The following SRL variants were observed in gnomAD, a reference collection of about 807,000 sequenced individuals.
SRL encodes sarcalumenin.
SRL carries 23 observed loss-of-function variants against 39.5 expected under a neutral mutation model. The ratio of observed to expected loss-of-function variants is 0.58; its 90% CI spans 0.42 to 0.82. SRL has a LOEUF of 0.82. Among genes scored for constraint, SRL ranks in the 40% least tolerant of loss-of-function variants. The pLI, the probability that SRL is intolerant of heterozygous loss-of-function variation, is 0.00. For missense variants in SRL, 592 were observed against 607.8 expected (o/e 0.97, Z 0.27); for synonymous variants, 272 against 237.4 (o/e 1.15, Z -1.34).
chr16:4,192,278 G>C lies in SRL; in HGVS notation c.1297C>G (p.Arg433Gly). ...CCCGGAAGCTCCTGAGTGATGGCCC[G>C]CTCAATCTTCTCCAGAAAGCAACCT... is the stretch of plus-strand genomic sequence containing the variant. ...MGGCFLEKIE[R>G]AITQELPGLL... Residue 433 changes from arginine (R) to glycine (G), a missense_variant, in exon 6 of 6, where the codon CGG becomes GGG. Coordinates refer to ENST00000399609, the MANE Select transcript of SRL (RefSeq NM_001098814.2). This position sits in a 1 kb window ranked among gnomAD's most constrained non-coding sequence, Gnocchi z 4.0. The C allele has an allele frequency of 6.2e-7, 1 of 1,614,094 alleles. No individual in the cohort carries two copies. The highest frequency in any genetic ancestry group is 8.5e-7 in the Non-Finnish European group (1 of 1,179,982).
At chr16:4,211,806 T>C (rs1004272617) in intron 1 of SRL, among the ~76,000 whole-genome samples, 29 of 152,158 alleles carry the variant, frequency 1.9e-4, no homozygotes, top group African/African-American at 6.5e-4. Context: ...ATCGTGATGA[T>C]GATGATGATG....
At position 4,192,206 on chromosome 16, in the gene SRL, A is replaced by G. The variant is rs767091587; in HGVS notation, c.1369T>C (p.Cys457Arg). The stretch of plus-strand genomic sequence containing the variant: ...GTTTCGCTACACCCTGTTTTGTCAC[A>G]GTTGAGAGCACCTGGATTCTTCCCG... ...GLGKNPGALN[C>R]DKTGCSETPK... is the part of the protein sequence containing the mutation. Residue 457 changes from cysteine (C) to arginine (R), a missense_variant, in exon 6 of 6, where the codon TGT becomes CGT. Physicochemically the swap from Cys to Arg is radical, Grantham distance 180. Transcript: ENST00000399609. This position sits in a 1 kb window ranked among gnomAD's most constrained non-coding sequence, Gnocchi z 4.0. 11 of 1,593,234 alleles carry G rather than the reference A, an allele frequency of 6.9e-6. No homozygotes were observed. In the East Asian group the frequency reaches 2.0e-4, roughly 29 times the overall value.
At position 4,192,906 on chromosome 16, in the gene SRL, G is replaced by A. The variant is rs529678801; in HGVS notation, c.669C>T (p.Val223=). The change falls in exon 6 of 6, where the codon GTC becomes GTT. Residue 223 remains valine, a synonymous_variant. Coordinates refer to ENST00000399609, the MANE Select transcript of SRL (RefSeq NM_001098814.2). The surrounding 1 kb of genome is among the most constrained non-coding windows in gnomAD (Gnocchi z 4.0). ...WFIDRADLIF[V]VFDPTKLDVG... is the part of the protein sequence containing the mutation. ...CATCCAGCTTTGTTGGGTCAAAGAC[G>A]ACAAAGATGAGGTCAGCTCTGTCGA... 31 of 1,614,074 alleles carry A rather than the reference G, an allele frequency of 1.9e-5. No individual in the cohort carries two copies. In the African/African-American group the frequency reaches 2.4e-4, roughly 12 times the overall value.
intron 1 of SRL, among the ~76,000 whole-genome samples, chr16:4,230,679 C>T (rs189652558): frequency 0.011 from 1,659 of 152,110 alleles, 25 homozygotes; most frequent in Non-Finnish European, 0.018. Context: ...TGAGCCACCA[C>T]ACCCAGGAAG....
intron 1 of SRL, among the ~76,000 whole-genome samples, chr16:4,222,107 C>G (rs9930832): frequency 6.6e-6 from 1 of 152,320 alleles, no homozygotes; most frequent in South Asian, 2.1e-4. Flanking sequence ...ATAGCCCACA[C>G]CACCACCTGC....
At chr16:4,197,261 G>T (rs9938708) in intron 4 of SRL, among the ~76,000 whole-genome samples, 1 of 151,160 alleles carries the variant, frequency 6.6e-6, no homozygotes, top group African/African-American at 2.4e-5. Flanking sequence ...GTAGAGACGG[G>T]GTTTCACCAT....
In SRL at chr16:4,199,426, C is replaced by G. The variant is rs1256318433; in HGVS notation, c.260-1511G>C. On this transcript the variant is annotated intron_variant, in intron 3 of 5. Transcript: ENST00000399609. Reference sequence around the variant, plus strand: ...TCACTCTGTCGCCCAAACCACAGTGCAGTGGTGTGATCATAGCTCATATAG... The same window carrying G: ...TCACTCTGTCGCCCAAACCACAGTGGAGTGGTGTGATCATAGCTCATATAG... Among the ~76,000 whole-genome samples the G allele has an allele frequency of 4.8e-5, 6 of 125,108 alleles. No homozygotes were observed. In the East Asian group the frequency reaches 1.5e-3, roughly 31 times the overall value. The allele number at this position is 125,108 out of a possible 152,430, so 82.1% of individuals were successfully genotyped here. A position where few individuals can be genotyped will look rare whatever the true frequency, so the allele number is the denominator to read the frequency against.
intron 1 of SRL, among the ~76,000 whole-genome samples, chr16:4,211,440 T>A (rs2052390565): frequency 6.6e-6 from 1 of 152,126 alleles, no homozygotes; most frequent in Admixed American, 6.5e-5. Context: ...ACCGTGCCGA[T>A]GATGAGGATC....
chr16:4,208,963 A>C (rs2052359991), intron 1 of SRL, among the ~76,000 whole-genome samples: 1 of 152,072 alleles, frequency 6.6e-6, no homozygotes, highest in Non-Finnish European at 1.5e-5. Flanking sequence ...GATCAAGTTT[A>C]ATATGTTTGG....
intron 1 of SRL, among the ~76,000 whole-genome samples, chr16:4,205,103 A>C (rs1393511808): frequency 6.6e-6 from 1 of 152,082 alleles, no homozygotes; most frequent in Admixed American, 6.6e-5. Context: ...TGGGAGGATC[A>C]CTGGAGCCCA....
chr16:4,207,078 G>A (rs1449655624), intron 1 of SRL: 1 of 453,330 alleles, frequency 2.2e-6, no homozygotes, highest in Admixed American at 2.4e-5. Context: ...GGGCTCCCTG[G>A]CTTCCTGGGG....
At chr16:4,234,223 G>C (rs1414148597) in intron 1 of SRL, among the ~76,000 whole-genome samples, 3 of 152,088 alleles carry the variant, frequency 2.0e-5, no homozygotes, top group African/African-American at 4.8e-5. Context: ...GGAACTCCTG[G>C]GCTCAAGCAA....
At chr16:4,206,219 G>A (rs2052316736) in intron 1 of SRL, among the ~76,000 whole-genome samples, 1 of 152,178 alleles carries the variant, frequency 6.6e-6, no homozygotes, top group African/African-American at 2.4e-5. Flanking sequence ...GCACTTGAGA[G>A]TCAACAGCGG....
At chr16:4,203,802 A>G (rs1050674447) in intron 2 of SRL, among the ~76,000 whole-genome samples, 3 of 152,220 alleles carry the variant, frequency 2.0e-5, no homozygotes, top group Non-Finnish European at 2.9e-5. Flanking sequence ...TGAGAATTCC[A>G]TCTCTGTTGC....
intron 1 of SRL, among the ~76,000 whole-genome samples, chr16:4,211,119 G>A (rs1246611178): frequency 2.0e-5 from 3 of 151,828 alleles, no homozygotes; most frequent in Non-Finnish European, 4.4e-5. Context: ...TTTCTCTGCA[G>A]TTTTGATTTA....
Position 4,192,357 on chromosome 16 carries a change from G to A in SRL, c.1218C>T (p.Gly406=). 6.2e-7 allele frequency: 1 copy of A among 1,614,208 alleles called. No homozygotes were observed. Among genetic ancestry groups the A allele is most frequent in the South Asian group, 1.1e-5 (1 of 91,090 alleles). ...PNREAYKDFF[G]INPISSFKLL... Reference sequence around the variant, plus strand: ...GTTTGAAACTGGAAATGGGATTGATGCCGAAGAAGTCCTTATAGGCCTCGC... The same window carrying A: ...GTTTGAAACTGGAAATGGGATTGATACCGAAGAAGTCCTTATAGGCCTCGC... The change falls in exon 6 of 6, where the codon GGC becomes GGT. Residue 406 remains glycine (G), a synonymous_variant. Coordinates refer to ENST00000399609, the MANE Select transcript of SRL (RefSeq NM_001098814.2). The surrounding 1 kb of genome is among the most constrained non-coding windows in gnomAD (Gnocchi z 4.0).
intron 3 of SRL, 57 bp downstream of exon 3, chr16:4,203,109 C>T (rs1306267791): frequency 3.0e-5 from 45 of 1,504,956 alleles, no homozygotes; most frequent in Middle Eastern, 3.4e-4. Flanking sequence ...GTGGCCCCGC[C>T]GACAGGCCTG....
At chr16:4,232,537 G>A (rs955769632) in intron 1 of SRL, among the ~76,000 whole-genome samples, 2 of 151,416 alleles carry the variant, frequency 1.3e-5, no homozygotes, top group South Asian at 2.1e-4. Context: ...TTTCAACAGA[G>A]TCTTGCTCTG....
chr16:4,228,232 T>A (rs1361862826), intron 1 of SRL, among the ~76,000 whole-genome samples: 1 of 147,946 alleles, frequency 6.8e-6, no homozygotes, highest in Non-Finnish European at 1.5e-5. Flanking sequence ...AGGTCAGGAG[T>A]TCAAGATCAG....
Sources: allele counts gnomAD v4.1 joint callset (sites outside exome capture counted in the v4.1 genomes callset), GRCh38; gene constraint gnomAD v4.1.1; non-coding constraint Gnocchi (gnomAD v3.1); transcripts MANE v1.5; gene names NCBI Gene and HGNC (gene_info 2026-07-23, HGNC 2026-07-21).